Variants in VPS54 observed in about 807,000 individuals in gnomAD.
VPS54 encodes the protein vacuolar protein sorting-associated protein 54.
In VPS54, 45 loss-of-function variants were observed where a neutral mutation model predicts 121.5. The observed-to-expected ratio is 0.37, with a 90% CI of 0.29 to 0.47. The LOEUF (loss-of-function observed/expected upper bound fraction) is 0.47. Ranked by LOEUF, VPS54 falls within the 20% of genes least tolerant of loss-of-function variation. The pLI, the probability that VPS54 is intolerant of heterozygous loss-of-function variation, is 0.99. For missense variants in VPS54, 1,090 were observed against 1,131.4 expected, an observed-to-expected ratio of 0.96 and a Z score of 0.52; for synonymous variants, 371 against 385.8, an observed-to-expected ratio of 0.96 and a Z score of 0.45.
intron 20 of VPS54, among the ~76,000 whole-genome samples, chr2:63,900,617 C>T (rs1412439663): frequency 6.6e-6 from 1 of 152,160 alleles, no homozygotes; most frequent in Non-Finnish European, 1.5e-5. Context: ...GCTATAGGAA[C>T]TCAAGTGAAG....
At chr2:63,936,044 T>C (rs2104492317) in intron 11 of VPS54, among the ~76,000 whole-genome samples, 1 of 152,292 alleles carries the variant, frequency 6.6e-6, no homozygotes, top group East Asian at 1.9e-4. Context: ...GAAACTAAGC[T>C]GGAGAACCAA....
At chr2:63,975,640 C>T (rs1180704868) in intron 3 of VPS54, 1 of 152,242 alleles carries the variant, frequency 6.6e-6, no homozygotes, top group Non-Finnish European at 1.5e-5. Flanking sequence ...ATGATATCAT[C>T]GCTGACCTGA....
chr2:63,989,679 A>T (rs1480631959), intron 1 of VPS54, among the ~76,000 whole-genome samples: 1 of 152,176 alleles, frequency 6.6e-6, no homozygotes. Flanking sequence ...ACTGGTGAGT[A>T]GTCTGTGAAT....
At chr2:63,970,551 C>G (rs1048608134) in intron 4 of VPS54, among the ~76,000 whole-genome samples, 4 of 152,182 alleles carry the variant, frequency 2.6e-5, no homozygotes, top group South Asian at 4.1e-4. Flanking sequence ...GTTTCTGGAA[C>G]TGCCATAAAT....
intron 1 of VPS54, among the ~76,000 whole-genome samples, chr2:63,989,158 T>C (rs1677196948): frequency 6.6e-6 from 1 of 152,158 alleles, no homozygotes; most frequent in African/African-American, 2.4e-5. Context: ...GGCTATCTTC[T>C]CTCAAACCCT....
chr2:63,942,335 C>T lies in VPS54; in HGVS notation c.1398+130G>A, dbSNP rs984623147. ...CCTAAATTTTTATTTAAAAACAAGC[C>T]TCTTTAGAAAAATTACAAAAACAAA... is the stretch of plus-strand genomic sequence containing the variant. On this transcript the variant is annotated intron_variant, in intron 11 of 22. Transcript: ENST00000272322. The T allele has an allele frequency of 1.6e-5, 9 of 576,028 alleles. No individual in the cohort carries two copies. The Admixed American group carries it at 2.9e-4, about 18-fold the overall frequency. The allele number at this position is 576,028 out of a possible 1,614,324, so 35.7% of individuals were successfully genotyped here. A position where few individuals can be genotyped will look rare whatever the true frequency, so the allele number is the denominator to read the frequency against.
chr2:63,951,434 C>G (rs144465054), intron 7 of VPS54, among the ~76,000 whole-genome samples: 41 of 152,110 alleles, frequency 2.7e-4, no homozygotes, highest in African/African-American at 9.4e-4. Flanking sequence ...TAAGAGATCA[C>G]CTTTTACTGT....
intron 7 of VPS54, among the ~76,000 whole-genome samples, chr2:63,952,580 T>C (rs1296449506): frequency 2.0e-5 from 3 of 152,208 alleles, no homozygotes; most frequent in African/African-American, 7.2e-5. Flanking sequence ...GCATTATTCT[T>C]GTTTTATAAA....
chr2:63,972,240 T>C lies in VPS54; in HGVS notation c.383A>G (p.Glu128Gly). 1 of 1,586,936 alleles carries C rather than the reference T, an allele frequency of 6.3e-7. No homozygotes were observed. The highest frequency in any genetic ancestry group is 8.6e-7 in the Non-Finnish European group (1 of 1,161,678). The change falls in exon 4 of 23, where the codon GAG becomes GGG. Residue 128 changes from glutamate (E) to glycine (G), a missense_variant. Coordinates refer to ENST00000272322, the MANE Select transcript of VPS54 (RefSeq NM_016516.3). ...ATTCTTGCATCTCTCATGAATCTTCTCTCTCTAATAAAAAGACAAATAACA... is the reference window on the plus strand; with the variant it reads ...ATTCTTGCATCTCTCATGAATCTTCCCTCTCTAATAAAAAGACAAATAACA... ...TVYQQEISQR[E>G]KIHERCKNIC...
chr2:63,933,898 T>C lies in VPS54; in HGVS notation c.1514A>G (p.Asp505Gly). Residue 505 changes from aspartate (D) to glycine (G), a missense_variant, in exon 12 of 23, where the codon GAC (aspartate) becomes GGC (glycine). By Grantham distance (94) the Asp-to-Gly change is moderately conservative. This residue lies in a region of VPS54 where 801 missense variants were observed against 757.0 expected (regional missense o/e 1.06). Coordinates refer to ENST00000272322, the MANE Select transcript of VPS54 (RefSeq NM_016516.3). ...ATGGATTAAATAAGCCACCTCTGTG[T>C]CCAGTGAATTATCTTTTGCAGCATT... ...QKNAAKDNSLDTEVAYLIHEG... is the reference protein window; with the variant it reads ...QKNAAKDNSLGTEVAYLIHEG... 1.2e-6 allele frequency: 2 copies of C among 1,613,808 alleles called. No homozygotes were observed. Among genetic ancestry groups the C allele is most frequent in the Non-Finnish European group, 1.7e-6 (2 of 1,179,820 alleles).
chr2:64,006,063 T>C (rs1678140158), intron 1 of VPS54, among the ~76,000 whole-genome samples: 1 of 152,252 alleles, frequency 6.6e-6, no homozygotes, highest in South Asian at 2.1e-4. Context: ...AAATAAATTA[T>C]GTGATTATTT....
At chr2:63,907,800 T>A (rs1018799968) in intron 20 of VPS54, among the ~76,000 whole-genome samples, 4 of 152,084 alleles carry the variant, frequency 2.6e-5, no homozygotes, top group Admixed American at 6.6e-5. Context: ...AAGATATGAA[T>A]GGCAAACAAG....
chr2:63,980,710 C>T (rs890606394), intron 3 of VPS54, among the ~76,000 whole-genome samples: 1 of 152,010 alleles, frequency 6.6e-6, no homozygotes, highest in Non-Finnish European at 1.5e-5. Flanking sequence ...GACTACCTGA[C>T]ACATGGAAGG....
intron 7 of VPS54, among the ~76,000 whole-genome samples, chr2:63,961,847 T>C (rs958301675): frequency 6.6e-6 from 1 of 152,196 alleles, no homozygotes; most frequent in Non-Finnish European, 1.5e-5. Flanking sequence ...ATTTTGCTTC[T>C]CCATCCAAAT....
intron 20 of VPS54, among the ~76,000 whole-genome samples, chr2:63,910,017 C>T (rs371101706): frequency 2.0e-5 from 3 of 152,054 alleles, no homozygotes; most frequent in Non-Finnish European, 2.9e-5. Flanking sequence ...CTTGAGCCAC[C>T]GTGCCTGGCC....
intron 14 of VPS54, 23 bp downstream of exon 14, chr2:63,920,423 C>G (rs759726262): frequency 1.4e-6 from 2 of 1,447,124 alleles, no homozygotes; most frequent in Non-Finnish European, 1.8e-6. Context: ...AATCAAACAA[C>G]AGAATGGACA....
intron 11 of VPS54, among the ~76,000 whole-genome samples, chr2:63,938,047 T>TG (rs1674534554): frequency 3.2e-5 from 4 of 126,668 alleles, no homozygotes; most frequent in African/African-American, 7.8e-5. Context: ...CGTGTGTGTG[T>TG]GTGGTGTGTG....
intron 12 of VPS54, among the ~76,000 whole-genome samples, chr2:63,924,753 G>C (rs931946787): frequency 2.6e-5 from 4 of 152,108 alleles, no homozygotes; most frequent in Admixed American, 2.0e-4. Flanking sequence ...ACGAAATAGA[G>C]TCCAGAAACA....
intron 7 of VPS54, 78 bp downstream of exon 7, chr2:63,961,980 A>C (rs538132857): frequency 2.2e-6 from 3 of 1,389,824 alleles, no homozygotes; most frequent in African/African-American, 2.9e-5. Context: ...ATATATTCAC[A>C]CTTTTAACAT....
Sources: gnomAD v4.1 joint callset for allele counts (sites outside exome capture counted in the v4.1 genomes callset) on GRCh38, gnomAD v4.1.1 for gene constraint, gnomAD v4.1.1 regional missense constraint, MANE v1.5 for transcripts, NCBI Gene and HGNC (gene_info 2026-07-23, HGNC 2026-07-21) for gene names.